Variants in NRG1 observed in about 807,000 individuals in gnomAD.
NRG1 encodes neuregulin 1.
In NRG1, 18 loss-of-function variants were observed where a neutral mutation model predicts 63.8. The observed-to-expected ratio is 0.28, with a 90% confidence interval of 0.19 to 0.42. The LOEUF is 0.42. Among genes scored for constraint, NRG1 ranks in the 10% least tolerant of loss-of-function variants. The pLI, the probability that NRG1 is intolerant of heterozygous loss-of-function variation, is 1.00. For synonymous variants in NRG1, 302 were observed against 301.3 expected (o/e 1.00, Z -0.02); for missense variants, 762 against 814.7 (o/e 0.94, Z 0.79).
At chr8:32,325,569 G>T (rs1563317391) in intron 1 of NRG1, among the ~76,000 whole-genome samples, 1 of 152,058 alleles carries the variant, frequency 6.6e-6, no homozygotes, top group Non-Finnish European at 1.5e-5. Context: ...TGTAGAGATA[G>T]GGTTTCACCA....
chr8:32,414,459 G>A (rs1041478693), intron 1 of NRG1, among the ~76,000 whole-genome samples: 4 of 152,102 alleles, frequency 2.6e-5, no homozygotes, highest in Non-Finnish European at 5.9e-5. Flanking sequence ...GCAAAATAAT[G>A]TTGTAAATGC....
chr8:32,587,910 T>TTTTG (rs1841896704), intron 1 of NRG1, among the ~76,000 whole-genome samples: 1 of 135,614 alleles, frequency 7.4e-6, no homozygotes, highest in Non-Finnish European at 1.6e-5. Context: ...CATGTGGGTT[T>TTTTG]TTTTGTTTTG....
At chr8:31,648,388 T>C (rs961490411) in intron 1 of NRG1, among the ~76,000 whole-genome samples, 5 of 152,074 alleles carry the variant, frequency 3.3e-5, no homozygotes, top group African/African-American at 1.2e-4. Flanking sequence ...CGTCTCGGCC[T>C]CCCAAAGTGC....
chr8:32,524,492 A>C (rs1025684068), intron 1 of NRG1, among the ~76,000 whole-genome samples: 1 of 105,500 alleles, frequency 9.5e-6, no homozygotes, highest in Admixed American at 9.0e-5. Flanking sequence ...GCTTTTCCTT[A>C]AAGATTTTTT....
chr8:32,751,539 T>A (rs1411648652), intron 7 of NRG1, among the ~76,000 whole-genome samples: 2 of 152,222 alleles, frequency 1.3e-5, no homozygotes, highest in African/African-American at 4.8e-5. Context: ...CAAGTATTTT[T>A]CCTTGATCAC....
At chr8:31,858,025 C>G (rs759639463) in intron 1 of NRG1, among the ~76,000 whole-genome samples, 6 of 152,172 alleles carry the variant, frequency 3.9e-5, no homozygotes, top group Non-Finnish European at 5.9e-5. Context: ...AAGGGCCAGG[C>G]ATGGTGGCTC....
chr8:32,730,988 T>C (rs1290236658), intron 6 of NRG1, among the ~76,000 whole-genome samples: 1 of 152,196 alleles, frequency 6.6e-6, no homozygotes, highest in Non-Finnish European at 1.5e-5. Context: ...CTGAGACCAC[T>C]ATATTTTAAT....
intron 1 of NRG1, among the ~76,000 whole-genome samples, chr8:32,246,519 G>A (rs753963792): frequency 2.0e-5 from 3 of 152,152 alleles, no homozygotes; most frequent in Non-Finnish European, 4.4e-5. Flanking sequence ...CTTTGCCATG[G>A]GGCTCTGAGA....
chr8:32,372,640 G>A (rs1181544473), intron 1 of NRG1, among the ~76,000 whole-genome samples: 1 of 152,132 alleles, frequency 6.6e-6, no homozygotes, highest in Non-Finnish European at 1.5e-5. Context: ...TTAAAAAATT[G>A]AATGTAGGTA....
chr8:31,729,236 AGT>A (rs1491156641), intron 1 of NRG1, among the ~76,000 whole-genome samples: 5 of 59,404 alleles, frequency 8.4e-5, no homozygotes, highest in Non-Finnish European at 3.6e-5. Flanking sequence ...AAATAAACAA[AGT>A]TTTTTTTTTT....
At chr8:32,645,956 T>C (rs770081778) in intron 5 of NRG1, among the ~76,000 whole-genome samples, 3 of 152,204 alleles carry the variant, frequency 2.0e-5, no homozygotes, top group Non-Finnish European at 4.4e-5. Context: ...CCAAAAGGCA[T>C]GCTCTCATAG....
At chr8:32,231,298 A>C (rs1846912200) in intron 1 of NRG1, among the ~76,000 whole-genome samples, 2 of 152,200 alleles carry the variant, frequency 1.3e-5, no homozygotes, top group Admixed American at 1.3e-4. Context: ...GCTGTATATC[A>C]GGGCTCAATC....
rs1839095695 is a variant in NRG1 at position 32,163,676 on chromosome 8, T to C, written c.38-432152T>C. 2.0e-5 allele frequency among the ~76,000 whole-genome samples: 3 copies of C among 152,208 alleles called. No individual in the cohort carries two copies. The South Asian group carries it at 6.2e-4, about 32-fold the overall frequency. Reference sequence around the variant, plus strand: ...GGGGTCATAGTCTTCAATTTATGCCTAAAGTGTTTAACTACTCCTTCTTAA... The same window carrying C: ...GGGGTCATAGTCTTCAATTTATGCCCAAAGTGTTTAACTACTCCTTCTTAA... On this transcript the variant is annotated intron_variant, in intron 1 of 10. Coordinates refer to the NRG1 transcript ENST00000519301.
intron 1 of NRG1, among the ~76,000 whole-genome samples, chr8:32,035,279 AT>A (rs1229209117): frequency 6.6e-6 from 1 of 151,314 alleles, no homozygotes; most frequent in East Asian, 1.9e-4. Context: ...TTGAGTTCTG[AT>A]TTGATTGTGC....
intron 1 of NRG1, among the ~76,000 whole-genome samples, chr8:32,407,438 A>G (rs1233637448): frequency 6.6e-6 from 1 of 151,356 alleles, no homozygotes; most frequent in African/African-American, 2.4e-5. Context: ...TGTAGGATCC[A>G]TTAGTCCTTT....
At chr8:32,746,542 A>G (rs540953015) in intron 7 of NRG1, among the ~76,000 whole-genome samples, 1 of 152,264 alleles carries the variant, frequency 6.6e-6, no homozygotes, top group Non-Finnish European at 1.5e-5. Context: ...CTACAGGTTA[A>G]TCAGTTTTCC....
chr8:32,655,673 T>C (rs60150454), intron 5 of NRG1, among the ~76,000 whole-genome samples: 3,283 of 152,268 alleles, frequency 0.022, 137 homozygotes, highest in African/African-American at 0.076. Context: ...ATTTTTTCCC[T>C]TATACAAATT....
chr8:32,143,286 G>A (rs991333931), intron 1 of NRG1, among the ~76,000 whole-genome samples: 30 of 151,986 alleles, frequency 2.0e-4, no homozygotes, highest in African/African-American at 6.8e-4. Context: ...ATTCCTGGAT[G>A]TTTCACTGAT....
chr8:32,263,435 G>T (rs1170877180), intron 1 of NRG1, among the ~76,000 whole-genome samples: 1 of 152,156 alleles, frequency 6.6e-6, no homozygotes, highest in Non-Finnish European at 1.5e-5. Context: ...GAATGTAGAA[G>T]TAGGGATGAT....
Sources: allele counts gnomAD v4.1 joint callset (sites outside exome capture counted in the v4.1 genomes callset), GRCh38; gene constraint gnomAD v4.1.1; transcripts MANE v1.5; gene names NCBI Gene and HGNC (gene_info 2026-07-23, HGNC 2026-07-21).